Variants in ADGRA2 observed in about 807,000 individuals in gnomAD.
ADGRA2 encodes G-protein coupled receptor 124.
In ADGRA2, 61 loss-of-function variants were observed where a neutral mutation model predicts 98.7. That is an observed-to-expected ratio of 0.62 (90% CI 0.50 to 0.76). The LOEUF is 0.76. ADGRA2 is among the 30% of genes least tolerant of loss of function. The pLI, the probability that ADGRA2 is intolerant of heterozygous loss-of-function variation, is 0.00. For missense variants in ADGRA2, 1,712 were observed against 1,860.0 expected (o/e 0.92, Z 1.46); for synonymous variants, 858 against 831.5 (o/e 1.03, Z -0.55).
intron 2 of ADGRA2, among the ~76,000 whole-genome samples, chr8:37,815,463 C>T (rs73677110): frequency 0.012 from 1,827 of 152,348 alleles, 50 homozygotes; most frequent in African/African-American, 0.042. Flanking sequence ...GGTTCAGAGC[C>T]GCCTGGGCAG....
At chr8:37,838,298 C>A (rs1167295091) in intron 14 of ADGRA2, among the ~76,000 whole-genome samples, 1 of 145,506 alleles carries the variant, frequency 6.9e-6, no homozygotes, top group Non-Finnish European at 1.5e-5. Context: ...TGTCACCAGG[C>A]TGGAGTGCAG....
chr8:37,801,345 C>A (rs1290673357), intron 1 of ADGRA2, among the ~76,000 whole-genome samples: 1 of 152,232 alleles, frequency 6.6e-6, no homozygotes, highest in Non-Finnish European at 1.5e-5. Flanking sequence ...GGCACCCGTG[C>A]TTCTGAACAG....
chr8:37,839,111 T>C (rs746389239), intron 15 of ADGRA2, 28 bp downstream of exon 15: 4 of 1,606,860 alleles, frequency 2.5e-6, no homozygotes, highest in Middle Eastern at 1.7e-4. Flanking sequence ...AGGGAGGGCG[T>C]GGTGGGCAGG....
intron 1 of ADGRA2, among the ~76,000 whole-genome samples, chr8:37,811,761 C>T (rs989283680): frequency 2.6e-5 from 4 of 151,032 alleles, no homozygotes; most frequent in Non-Finnish European, 5.9e-5. Flanking sequence ...TAGGTGTGAG[C>T]CACCGCACCT....
chr8:37,827,888 C>G lies in ADGRA2; in HGVS notation c.339-1000C>G, dbSNP rs139956065. ...GTGGCTCACACCTGTAACCCCAGCA[C>G]TTTGGGAGGCCCAGGAGGGAGGATC... On this transcript the variant is annotated intron_variant, in intron 2 of 18. Transcript: ENST00000412232. 1.7e-3 allele frequency among the ~76,000 whole-genome samples: 263 copies of G among 152,318 alleles called. 1 individual carries two copies. The highest frequency in any genetic ancestry group is 5.9e-3 in the African/African-American group (246 of 41,566).
rs1167399280 is a variant in ADGRA2 at position 37,831,569 on chromosome 8, A to G, written c.1079A>G (p.Asn360Ser). ...TACTGCCCCGCCGAGCGTGTTGCCA[A>G]CAACCGCGGGGACTTCAGGTTTGGC... ...ASYCPAERVA[N>S]NRGDFRWPRT... Residue 360 changes from asparagine to serine, a missense_variant, in exon 8 of 19, where the codon AAC becomes AGC. Physicochemically the swap from Asn to Ser is conservative, Grantham distance 46. Coordinates refer to ENST00000412232, the MANE Select transcript of ADGRA2 (RefSeq NM_032777.10). The G allele has an allele frequency of 6.8e-6, 11 of 1,613,810 alleles. No individual in the cohort carries two copies. The highest frequency in any genetic ancestry group is 1.3e-5 in the African/African-American group (1 of 75,062).
Position 37,814,280 on chromosome 8 carries a change from G to A in ADGRA2, c.267-616G>A, listed in dbSNP as rs1325293805. Among the ~76,000 whole-genome samples the A allele has an allele frequency of 6.6e-6, 1 of 152,160 alleles. No homozygotes were observed. Among genetic ancestry groups the A allele is most frequent in the African/African-American group, 2.4e-5 (1 of 41,414 alleles). The stretch of plus-strand genomic sequence containing the variant: ...GGCGCAGAGGCTGAGGCTGAGGCCT[G>A]GCTTCCCCTACACTCGGGGCTCCAT... On this transcript the variant is annotated intron_variant, in intron 1 of 18. Transcript: ENST00000412232. The surrounding 1 kb of genome is among the most constrained non-coding windows in gnomAD (Gnocchi z 4.3).
chr8:37,818,196 C>T (rs116147672), intron 2 of ADGRA2, among the ~76,000 whole-genome samples: 5 of 152,242 alleles, frequency 3.3e-5, no homozygotes, highest in African/African-American at 7.2e-5. Context: ...GAAGGCAAGC[C>T]GCAGTGGTCT....
chr8:37,828,710 CA>C (rs1805360789), intron 2 of ADGRA2, among the ~76,000 whole-genome samples, 177 bp from the exon 3 acceptor site: 1 of 149,118 alleles, frequency 6.7e-6, no homozygotes, highest in African/African-American at 2.5e-5. Flanking sequence ...TGGCCTTGAT[CA>C]GGGGTGGTTC....
rs775830837 is a variant in ADGRA2, at chr8:37,797,297, G to A, written c.29G>A (p.Gly10Glu). The A allele has an allele frequency of 1.1e-5, 15 of 1,311,076 alleles. No homozygotes were observed. The South Asian group carries it at 3.4e-4, about 30-fold the overall frequency. The allele number at this position is 1,311,076 out of a possible 1,614,324, so 81.2% of individuals were successfully genotyped here. A position where few individuals can be genotyped will look rare whatever the true frequency, so the allele number is the denominator to read the frequency against. Residue 10 changes from glycine (G) to glutamate (E), a missense_variant, in exon 1 of 19, where the codon GGG becomes GAG. Coordinates refer to ENST00000412232, the MANE Select transcript of ADGRA2 (RefSeq NM_032777.10). This position sits in a 1 kb window ranked among gnomAD's most constrained non-coding sequence, Gnocchi z 5.3. ...GGCGCCGGGGGACGCAGGATGCGGG[G>A]GGCGCCCGCGCGCCTGCTGCTGCCG... is the stretch of plus-strand genomic sequence containing the variant. Reference protein sequence around the residue: MGAGGRRMRGAPARLLLPLL... With the variant: MGAGGRRMREAPARLLLPLL...
Position 37,814,282 on chromosome 8 carries a change from C to T in ADGRA2, c.267-614C>T, listed in dbSNP as rs943145341. Among the ~76,000 whole-genome samples the T allele has an allele frequency of 1.3e-5, 2 of 152,220 alleles. No individual in the cohort carries two copies. On this transcript the variant is annotated intron_variant, in intron 1 of 18. Coordinates refer to ENST00000412232, the MANE Select transcript of ADGRA2 (RefSeq NM_032777.10). This position sits in a 1 kb window ranked among gnomAD's most constrained non-coding sequence, Gnocchi z 4.3. ...CGCAGAGGCTGAGGCTGAGGCCTGG[C>T]TTCCCCTACACTCGGGGCTCCATTG...
intron 12 of ADGRA2, 28 bp downstream of exon 12, chr8:37,835,426 G>T: frequency 6.3e-7 from 1 of 1,587,396 alleles, no homozygotes. Flanking sequence ...GAGAGGGGGT[G>T]GGAGAAGGGA....
At position 37,843,337 on chromosome 8, in the gene ADGRA2, C is replaced by T. The variant is rs552742836; in HGVS notation, c.*982C>T. On this transcript the variant is annotated 3_prime_UTR_variant, in exon 19 of 19. Coordinates refer to ENST00000412232, the MANE Select transcript of ADGRA2 (RefSeq NM_032777.10). ...TCCGTAAGGCCAGAGGAAGAACCAT[C>T]CCAATCATTTGATCTCCAGCTCCAC... 2 of 152,356 alleles carry T rather than the reference C, an allele frequency of 1.3e-5. No homozygotes were observed. The highest frequency in any genetic ancestry group is 4.1e-4 in the South Asian group (2 of 4,826). The allele number at this position is 152,356 out of a possible 1,614,324, so 9.4% of individuals were successfully genotyped here.
At chr8:37,835,869 C>T (rs1013157670) in intron 13 of ADGRA2, 99 bp downstream of exon 13, 37 of 727,292 alleles carry the variant, frequency 5.1e-5, no homozygotes, top group Non-Finnish European at 7.9e-5. Flanking sequence ...CCCCCAGTGC[C>T]GTAGTGGAAC....
In ADGRA2 at chr8:37,834,039, C is replaced by T. The variant is rs376398915; in HGVS notation, c.1519C>T (p.Arg507Cys). The change falls in exon 11 of 19, where the codon CGC (arginine) becomes TGC (cysteine). Residue 507 changes from arginine (R) to cysteine (C), a missense_variant. Physicochemically the swap from Arg to Cys is radical, Grantham distance 180 (BLOSUM62 -3). Coordinates refer to ENST00000412232, the MANE Select transcript of ADGRA2 (RefSeq NM_032777.10). This position sits in a 1 kb window ranked among gnomAD's most constrained non-coding sequence, Gnocchi z 4.2. ...CGAGCACCTGCTGTGGCTGGCCCAG[C>T]GCGAGGACAAGGCCTGCAGCCGCAT... Reference protein sequence around the residue: ...VDEHLLWLAQREDKACSRIVG... With the variant: ...VDEHLLWLAQCEDKACSRIVG... 3.0e-5 allele frequency: 49 copies of T among 1,612,838 alleles called. No homozygotes were observed. The highest frequency in any genetic ancestry group is 4.5e-5 in the East Asian group (2 of 44,884).
Position 37,833,208 on chromosome 8 carries a change from G to A in ADGRA2, c.1296G>A (p.Leu432=), listed in dbSNP as rs572852827. 1.2e-6 allele frequency: 2 copies of A among 1,606,898 alleles called. No individual in the cohort carries two copies. Among genetic ancestry groups the A allele is most frequent in the Non-Finnish European group, 1.7e-6 (2 of 1,176,784 alleles). The change falls in exon 9 of 19, where the codon CTG becomes CTA. Residue 432 remains leucine (L), a splice_region_variant and synonymous_variant. Transcript: ENST00000412232. Reference sequence around the variant, plus strand: ...CCAGGGTGCTGTACACCTTCGTGCTGGTGAGGAGAGGCTAGGGCACCCCAC... The same window carrying A: ...CCAGGGTGCTGTACACCTTCGTGCTAGTGAGGAGAGGCTAGGGCACCCCAC... The part of the protein sequence containing the change: ...DITRVLYTFV[L]MPINASNALT...
At position 37,844,171 on chromosome 8, in the gene ADGRA2, C is replaced by T; in HGVS notation, c.*1816C>T. 3.2e-6 allele frequency: 1 copy of T among 313,702 alleles called. No individual in the cohort carries two copies. The highest frequency in any genetic ancestry group is 5.3e-5 in the South Asian group (1 of 19,042). The allele number at this position is 313,702 out of a possible 1,614,324, so 19.4% of individuals were successfully genotyped here. A position where few individuals can be genotyped will look rare whatever the true frequency, so the allele number is the denominator to read the frequency against. ...CCCCTCAGGCCTGCAGGAGGAGCCG[C>T]AGCAGTGTGTCCAATTCAAACCAGC... On this transcript the variant is annotated 3_prime_UTR_variant, in exon 19 of 19. Coordinates refer to ENST00000412232, the MANE Select transcript of ADGRA2 (RefSeq NM_032777.10).
At position 37,813,183 on chromosome 8, in the gene ADGRA2, G is replaced by A. The variant is rs114659256; in HGVS notation, c.267-1713G>A. The stretch of plus-strand genomic sequence containing the variant: ...AGTGAGGCTGCAGTGAGCTCTAACT[G>A]TGCCACTGCACTGTAGCCTGGGTGA... On this transcript the variant is annotated intron_variant, in intron 1 of 18. Transcript: ENST00000412232. Among the ~76,000 whole-genome samples the A allele has an allele frequency of 5.8e-3, 888 of 152,174 alleles. 10 individuals carry two copies. Among genetic ancestry groups the A allele is most frequent in the African/African-American group, 0.02 (838 of 41,522 alleles).
intron 1 of ADGRA2, among the ~76,000 whole-genome samples, chr8:37,799,608 CCA>C (rs1446931637): frequency 6.6e-6 from 1 of 152,182 alleles, no homozygotes; most frequent in African/African-American, 2.4e-5. Context: ...CCACGCCACT[CCA>C]CAGAGAGAGC....
Sources: allele counts gnomAD v4.1 joint callset (sites outside exome capture counted in the v4.1 genomes callset), GRCh38; gene constraint gnomAD v4.1.1; non-coding constraint Gnocchi (gnomAD v3.1); transcripts MANE v1.5; gene names NCBI Gene and HGNC (gene_info 2026-07-23, HGNC 2026-07-21).